The following PRKCQ variants were observed in gnomAD, a reference collection of about 807,000 sequenced individuals.
PRKCQ encodes the protein protein kinase C theta, also known as protein kinase C theta type.
In PRKCQ, 41 loss-of-function variants were observed where a neutral mutation model predicts 91.2. The observed-to-expected ratio is 0.45, with a 90% CI of 0.35 to 0.58. The LOEUF (loss-of-function observed/expected upper bound fraction) is 0.58, where lower values mean the gene tolerates loss of function less well. Ranked by LOEUF, PRKCQ falls within the 20% of genes least tolerant of loss-of-function variation. The probability of loss-of-function intolerance (pLI) is 0.00; values close to 1 mark genes in which losing one functional copy is unlikely to be tolerated. For synonymous variants in PRKCQ, 307 were observed against 316.9 expected (o/e 0.97, Z 0.33); for missense variants, 673 against 896.5 (o/e 0.75, Z 3.18).
At position 6,490,728 on chromosome 10, in the gene PRKCQ, G is replaced by C. The variant is rs117423294; in HGVS notation, c.790+955C>G. On this transcript the variant is annotated intron_variant, in intron 8 of 17. Coordinates refer to ENST00000263125, the MANE Select transcript of PRKCQ (RefSeq NM_006257.5). ...CCACTGCACACCAGTCTCCAGTCTG[G>C]GCAACAAAGTGAGACCCTGTCTCAG... Among the ~76,000 whole-genome samples the C allele has an allele frequency of 6.6e-4, 101 of 152,114 alleles. 2 individuals are homozygous for C. The East Asian group carries it at 0.018, about 27-fold the overall frequency.
At chr10:6,419,179 C>A in the PRKCQ span, among the ~76,000 whole-genome samples, 13 of 144,398 alleles carry the variant, frequency 9.0e-5, no homozygotes, top group African/African-American at 3.2e-4. Context: ...CTATCTACTT[C>A]TGTCTATCTC....
chr10:6,449,220 A>C (rs1588674169), intron 15 of PRKCQ, among the ~76,000 whole-genome samples: 1 of 144,762 alleles, frequency 6.9e-6, no homozygotes. Flanking sequence ...AGAATAAGCA[A>C]TAGAGAGAAG....
chr10:6,439,673 T>C (rs949318297), intron 16 of PRKCQ, among the ~76,000 whole-genome samples: 2 of 125,990 alleles, frequency 1.6e-5, no homozygotes, highest in African/African-American at 2.8e-5. Context: ...CATTTTCCTA[T>C]AATTTTCTTA....
In PRKCQ at chr10:6,496,125, A is replaced by C. The variant is rs1837571079; in HGVS notation, c.660+910T>G. The stretch of plus-strand genomic sequence containing the variant: ...CAGCTACTCAGGAGGCTGAGGCAGG[A>C]GAATCTCTTGATCCTGGAAGGTGGA... On this transcript the variant is annotated intron_variant, in intron 7 of 17. Transcript: ENST00000263125. Among the ~76,000 whole-genome samples, 3 of 149,848 alleles carry C rather than the reference A, an allele frequency of 2.0e-5. No homozygotes were observed. In the Admixed American group the frequency reaches 2.0e-4, roughly 10 times the overall value.
At chr10:6,418,040 T>A in the PRKCQ span, among the ~76,000 whole-genome samples, 2 of 152,352 alleles carry the variant, frequency 1.3e-5, no homozygotes, top group African/African-American at 4.8e-5. Context: ...TCTTGTCTTA[T>A]GAGCCTTCTC....
At chr10:6,541,457 C>T (rs1839772034) in intron 1 of PRKCQ, among the ~76,000 whole-genome samples, 1 of 152,144 alleles carries the variant, frequency 6.6e-6, no homozygotes, top group East Asian at 1.9e-4. Flanking sequence ...TATGACCTGC[C>T]CCTAAAGACC....
intron 12 of PRKCQ, 131 bp downstream of exon 12, chr10:6,478,861 G>A: frequency 9.9e-7 from 1 of 1,008,760 alleles, no homozygotes; most frequent in South Asian, 1.7e-5. Flanking sequence ...TGTTTGGATG[G>A]ATGGCAGGTA....
intron 3 of PRKCQ, 151 bp from the exon 4 acceptor site, chr10:6,507,647 C>T (rs571167845): frequency 4.0e-5 from 27 of 674,342 alleles, no homozygotes; most frequent in Middle Eastern, 2.5e-4. Context: ...TGTCATCAGA[C>T]GACTGTAGCA....
chr10:6,489,861 G>A (rs945848202), intron 8 of PRKCQ, among the ~76,000 whole-genome samples: 5 of 152,052 alleles, frequency 3.3e-5, no homozygotes, highest in African/African-American at 1.2e-4. Flanking sequence ...ATGAAATAAC[G>A]CCCAGGAACC....
intron 1 of PRKCQ, among the ~76,000 whole-genome samples, chr10:6,547,095 G>T (rs895290542): frequency 5.3e-5 from 8 of 152,104 alleles, no homozygotes; most frequent in Non-Finnish European, 8.8e-5. Context: ...CTTGATCATG[G>T]TGGATAAGCT....
chr10:6,469,740 C>T (rs535205989), intron 12 of PRKCQ, among the ~76,000 whole-genome samples: 5 of 152,236 alleles, frequency 3.3e-5, no homozygotes, highest in Non-Finnish European at 4.4e-5. Flanking sequence ...ACTTGATAAC[C>T]TCTACCACCC....
chr10:6,579,931 G>T (rs945203309), intron 1 of PRKCQ, among the ~76,000 whole-genome samples: 2 of 151,106 alleles, frequency 1.3e-5, no homozygotes, highest in Non-Finnish European at 2.9e-5. Context: ...GGAAAAGGGA[G>T]AAGAAAGGAG....
chr10:6,401,182 G>A, the PRKCQ span, among the ~76,000 whole-genome samples: 1 of 152,274 alleles, frequency 6.6e-6, no homozygotes, highest in South Asian at 2.1e-4. Flanking sequence ...AATGGAGCAA[G>A]CCACCCTAAT....
At chr10:6,532,271 A>G (rs897985370) in intron 1 of PRKCQ, among the ~76,000 whole-genome samples, 13 of 152,216 alleles carry the variant, frequency 8.5e-5, no homozygotes, top group African/African-American at 3.1e-4. Context: ...TATATTCATC[A>G]TATGCATATA....
At chr10:6,423,842 T>C (rs1833059460), downstream of PRKCQ, among the ~76,000 whole-genome samples, 1 of 152,208 alleles carries the variant, frequency 6.6e-6, no homozygotes, top group African/African-American at 2.4e-5. Context: ...CAGTTAATCC[T>C]GTAGTGCCTG....
chr10:6,547,619 C>T (rs1840012010), intron 1 of PRKCQ, among the ~76,000 whole-genome samples: 3 of 150,406 alleles, frequency 2.0e-5, no homozygotes, highest in Admixed American at 6.6e-5. Context: ...CTGAGAAAAA[C>T]AAGCAATGAG....
intron 10 of PRKCQ, 131 bp from the exon 11 acceptor site, chr10:6,483,731 G>T: frequency 9.7e-7 from 1 of 1,034,390 alleles, no homozygotes; most frequent in South Asian, 1.6e-5. Flanking sequence ...TGTTTAGAGG[G>T]TTTCCTACAG....
intron 15 of PRKCQ, among the ~76,000 whole-genome samples, chr10:6,454,155 T>C (rs1302367723): frequency 6.6e-6 from 1 of 152,222 alleles, no homozygotes; most frequent in East Asian, 1.9e-4. Context: ...TTTTTAGGCA[T>C]TGATAACACA....
At chr10:6,412,711 G>T in the PRKCQ span, among the ~76,000 whole-genome samples, 1 of 152,216 alleles carries the variant, frequency 6.6e-6, no homozygotes, top group Non-Finnish European at 1.5e-5. Context: ...AATAAGGTTA[G>T]ATGCCTATCT....
Sources: gnomAD v4.1 joint callset for allele counts (sites outside exome capture counted in the v4.1 genomes callset) on GRCh38, gnomAD v4.1.1 for gene constraint, MANE v1.5 for transcripts, NCBI Gene and HGNC (gene_info 2026-07-23, HGNC 2026-07-21) for gene names.